The following PDGFC variants were observed in gnomAD, a reference collection of about 807,000 sequenced individuals.
PDGFC encodes platelet derived growth factor C.
In PDGFC, 12 loss-of-function variants were observed where a neutral mutation model predicts 35.5. The ratio of observed to expected loss-of-function variants is 0.34; its 90% confidence interval spans 0.22 to 0.55. The LOEUF (loss-of-function observed/expected upper bound fraction) is 0.55. Among genes scored for constraint, PDGFC ranks in the 20% least tolerant of loss-of-function variants. The pLI is 0.91. For synonymous variants in PDGFC, 159 were observed against 148.8 expected (o/e 1.07, Z -0.50); for missense variants, 322 against 412.4 (o/e 0.78, Z 1.90).
chr4:156,793,800 A>C (rs758566050), intron 3 of PDGFC, among the ~76,000 whole-genome samples: 26 of 148,538 alleles, frequency 1.8e-4, no homozygotes, highest in Non-Finnish European at 3.3e-4. Context: ...TATATGGCAG[A>C]AATTTTTGTC....
At chr4:156,949,422 T>C (rs1345393507) in intron 1 of PDGFC, among the ~76,000 whole-genome samples, 1 of 151,752 alleles carries the variant, frequency 6.6e-6, no homozygotes, top group African/African-American at 2.4e-5. Flanking sequence ...AAGTAGTATG[T>C]GTGTGTGTCT....
At chr4:156,962,737 G>A (rs555958067) in intron 1 of PDGFC, among the ~76,000 whole-genome samples, 22 of 152,274 alleles carry the variant, frequency 1.4e-4, no homozygotes, top group Middle Eastern at 3.4e-3. Context: ...TGGGACCTTA[G>A]CTAAGCTACT....
chr4:156,821,908 A>T (rs1732272487), intron 2 of PDGFC, among the ~76,000 whole-genome samples: 1 of 152,146 alleles, frequency 6.6e-6, no homozygotes, highest in Non-Finnish European at 1.5e-5. Context: ...GTATGAGAGA[A>T]TGACAGGGGT....
At chr4:156,890,131 C>T (rs1469626910) in intron 1 of PDGFC, among the ~76,000 whole-genome samples, 1 of 151,950 alleles carries the variant, frequency 6.6e-6, no homozygotes. Flanking sequence ...CTACATGTGT[C>T]AAGTGAGGTG....
intron 3 of PDGFC, among the ~76,000 whole-genome samples, chr4:156,773,917 C>A (rs1730752078): frequency 6.6e-6 from 1 of 152,164 alleles, no homozygotes; most frequent in Non-Finnish European, 1.5e-5. Flanking sequence ...AAAACACTAA[C>A]ACATCGGCTC....
chr4:156,821,760 G>A (rs1358229873), intron 2 of PDGFC, among the ~76,000 whole-genome samples: 48 of 152,112 alleles, frequency 3.2e-4, no homozygotes, highest in Non-Finnish European at 2.9e-5. Flanking sequence ...ATGTTGGCCA[G>A]GCTGGTCTTG....
chr4:156,911,710 T>A (rs1673132923), intron 1 of PDGFC, among the ~76,000 whole-genome samples: 1 of 152,116 alleles, frequency 6.6e-6, no homozygotes, highest in Non-Finnish European at 1.5e-5. Context: ...AGATAAGACA[T>A]AAACCCATTT....
intron 1 of PDGFC, among the ~76,000 whole-genome samples, chr4:156,869,182 C>A (rs988808013): frequency 6.6e-6 from 1 of 151,926 alleles, no homozygotes; most frequent in Non-Finnish European, 1.5e-5. Flanking sequence ...GCCTGTAATC[C>A]CAGCACTTTG....
At chr4:156,927,502 A>T (rs1731443053) in intron 1 of PDGFC, among the ~76,000 whole-genome samples, 2 of 152,164 alleles carry the variant, frequency 1.3e-5, no homozygotes, top group Non-Finnish European at 2.9e-5. Flanking sequence ...CTGCTTAGAA[A>T]TTTCTTCCAC....
At chr4:156,864,161 T>C (rs1331808832) in intron 1 of PDGFC, among the ~76,000 whole-genome samples, 1 of 152,072 alleles carries the variant, frequency 6.6e-6, no homozygotes, top group African/African-American at 2.4e-5. Context: ...CCTGCAAACA[T>C]ATTTACAAAT....
Position 156,935,977 on chromosome 4 carries a change from C to A in PDGFC, c.118+34809G>T, listed in dbSNP as rs1413569507. Among the ~76,000 whole-genome samples the A allele has an allele frequency of 2.6e-5, 4 of 152,080 alleles. No individual in the cohort carries two copies. In the South Asian group the frequency reaches 6.2e-4, roughly 24 times the overall value. On this transcript the variant is annotated intron_variant, in intron 1 of 5. Transcript: ENST00000502773. ...GGTCATAGACAGGGGAGGAAAAAAC[C>A]TGACAATTGCTAGAACGAAAATACA...
chr4:156,829,501 T>C (rs1291524400), intron 2 of PDGFC, among the ~76,000 whole-genome samples: 1 of 152,158 alleles, frequency 6.6e-6, no homozygotes, highest in Non-Finnish European at 1.5e-5. Context: ...TAGGTTTATT[T>C]TACTTTCTTT....
intron 3 of PDGFC, among the ~76,000 whole-genome samples, chr4:156,789,137 C>T (rs943167014): frequency 7.2e-5 from 11 of 152,160 alleles, no homozygotes; most frequent in African/African-American, 2.7e-4. Flanking sequence ...AATCTGAAAA[C>T]ATTTATTTTC....
chr4:156,790,510 C>A (rs1461383778), intron 3 of PDGFC, among the ~76,000 whole-genome samples: 1 of 152,114 alleles, frequency 6.6e-6, no homozygotes, highest in African/African-American at 2.4e-5. Context: ...TAAGCAAAAA[C>A]AATTTAAAGG....
chr4:156,913,592 G>A (rs1731091145), intron 1 of PDGFC, among the ~76,000 whole-genome samples: 1 of 152,106 alleles, frequency 6.6e-6, no homozygotes, highest in Non-Finnish European at 1.5e-5. Flanking sequence ...CTCTCTTGAG[G>A]CTTCGCGCCA....
chr4:156,950,025 T>C (rs1379958172), intron 1 of PDGFC, among the ~76,000 whole-genome samples: 1 of 151,940 alleles, frequency 6.6e-6, no homozygotes, highest in Non-Finnish European at 1.5e-5. Context: ...TCCTAGGCTA[T>C]ATATGCTATC....
At chr4:156,957,314 G>A (rs1018731281) in intron 1 of PDGFC, among the ~76,000 whole-genome samples, 11 of 151,832 alleles carry the variant, frequency 7.2e-5, no homozygotes, top group African/African-American at 2.4e-4. Flanking sequence ...TCTTAAAAAC[G>A]TGATGTCTCA....
At chr4:156,775,004 A>T (rs909629744) in intron 3 of PDGFC, among the ~76,000 whole-genome samples, 3 of 152,154 alleles carry the variant, frequency 2.0e-5, no homozygotes, top group Non-Finnish European at 4.4e-5. Context: ...TATTAGGACT[A>T]AGATATTTTC....
At chr4:156,818,396 T>C (rs1482789440) in intron 2 of PDGFC, among the ~76,000 whole-genome samples, 1 of 152,026 alleles carries the variant, frequency 6.6e-6, no homozygotes, top group Non-Finnish European at 1.5e-5. Flanking sequence ...TGCCTTCATA[T>C]CATTTAGTGT....
Sources: gnomAD v4.1 joint callset for allele counts (sites outside exome capture counted in the v4.1 genomes callset) on GRCh38, gnomAD v4.1.1 for gene constraint, MANE v1.5 for transcripts, NCBI Gene and HGNC (gene_info 2026-07-23, HGNC 2026-07-21) for gene names.